The following AHCTF1 variants were observed in gnomAD, a reference collection of about 807,000 sequenced individuals.
AHCTF1 encodes the protein AT-hook containing transcription factor 1, also known as protein ELYS.
AHCTF1 carries 24 observed loss-of-function variants against 248.4 expected under a neutral mutation model. The ratio of observed to expected loss-of-function variants is 0.10; its 90% CI spans 0.07 to 0.14. AHCTF1 has a LOEUF of 0.14. Among genes scored for constraint, AHCTF1 ranks in the 10% least tolerant of loss-of-function variants. The probability of loss-of-function intolerance (pLI) is 1.00; values close to 1 mark genes in which losing one functional copy is unlikely to be tolerated. For missense variants in AHCTF1, 2,206 were observed against 2,636.2 expected (o/e 0.84, Z 3.57); for synonymous variants, 786 against 929.8 (o/e 0.85, Z 2.81).
chr1:246,862,195 T>G (rs771517848), intron 27 of AHCTF1, 42 bp from the exon 28 acceptor site: 10 of 1,522,930 alleles, frequency 6.6e-6, no homozygotes, highest in Non-Finnish European at 8.9e-6. Flanking sequence ...TAAAAGTGCT[T>G]ATAGGCCGGG....
At chr1:246,923,619 G>C (rs1193282313) in intron 1 of AHCTF1, among the ~76,000 whole-genome samples, 2 of 152,114 alleles carry the variant, frequency 1.3e-5, no homozygotes, top group Non-Finnish European at 2.9e-5. Flanking sequence ...AACATTTCTG[G>C]TATAATGTGC....
At chr1:246,908,723 TA>T (rs35110822) in intron 4 of AHCTF1, among the ~76,000 whole-genome samples, 27,805 of 106,848 alleles carry the variant, frequency 0.26, 2,965 homozygotes, top group Admixed American at 0.3. Flanking sequence ...CAGTCTCTAC[TA>T]AAAAAAAAAA....
intron 11 of AHCTF1, 146 bp downstream of exon 11, chr1:246,899,305 T>C (rs1020610940): frequency 1.4e-5 from 8 of 566,162 alleles, no homozygotes; most frequent in Admixed American, 7.7e-5. Context: ...CTGATACTAC[T>C]AGTTGATAAT....
At chr1:246,913,097 CTT>C (rs77666704) in intron 4 of AHCTF1, 133 bp downstream of exon 4, 537 of 597,834 alleles carry the variant, frequency 9.0e-4, no homozygotes, top group Middle Eastern at 1.5e-3. Flanking sequence ...TTTAAAATAC[CTT>C]TTTTTTTTTT....
intron 16 of AHCTF1, among the ~76,000 whole-genome samples, chr1:246,890,413 C>A (rs1475689986): frequency 6.6e-6 from 1 of 152,092 alleles, no homozygotes; most frequent in Admixed American, 6.6e-5. Flanking sequence ...TGTACAGTGG[C>A]AGAGGCACTT....
At position 246,844,805 on chromosome 1, in the gene AHCTF1, C is replaced by CTT. The variant is rs11370838; in HGVS notation, c.6392-879_6392-878dup. 5.5e-3 allele frequency among the ~76,000 whole-genome samples: 783 copies of CTT among 141,938 alleles called. 5 individuals carry two copies. The highest frequency in any genetic ancestry group is 7.8e-3 in the Non-Finnish European group (507 of 64,810). 93.1% of individuals were successfully genotyped at this position (141,938 alleles called of 152,430 possible). On this transcript the variant is annotated intron_variant, in intron 33 of 35. Transcript: ENST00000648844. ...GAATTAAAAGCATTTACCACACAGACTTTTTTTTTTTTTTTTAACTATAGG... is the reference window on the plus strand; with the variant it reads ...GAATTAAAAGCATTTACCACACAGACTTTTTTTTTTTTTTTTTTAACTATAGG...
intron 33 of AHCTF1, among the ~76,000 whole-genome samples, chr1:246,846,706 C>T (rs184265555): frequency 4.6e-5 from 7 of 151,096 alleles, no homozygotes; most frequent in Admixed American, 6.6e-5. Flanking sequence ...AGAAATATTA[C>T]GTTTAAGATT....
intron 7 of AHCTF1, among the ~76,000 whole-genome samples, chr1:246,903,532 A>G (rs1478854528): frequency 1.3e-5 from 2 of 152,108 alleles, no homozygotes; most frequent in Non-Finnish European, 2.9e-5. Flanking sequence ...ACTTCAATAT[A>G]AGAATCGCTT....
intron 1 of AHCTF1, among the ~76,000 whole-genome samples, chr1:246,923,740 CGT>C (rs74456165): frequency 2.8e-4 from 42 of 151,364 alleles, no homozygotes; most frequent in Non-Finnish European, 4.1e-4. Flanking sequence ...TGCGTGCATG[CGT>C]GTGTGTGTGT....
At chr1:246,927,735 T>C (rs1572482838) in intron 1 of AHCTF1, among the ~76,000 whole-genome samples, 2 of 152,236 alleles carry the variant, frequency 1.3e-5, no homozygotes, top group African/African-American at 2.4e-5. Flanking sequence ...CCGGGCGCGG[T>C]AGCTCAAGCC....
chr1:246,921,030 T>C (rs1047662046), intron 1 of AHCTF1, among the ~76,000 whole-genome samples: 34 of 152,066 alleles, frequency 2.2e-4, no homozygotes, highest in Non-Finnish European at 4.6e-4. Flanking sequence ...AGAAGGAGGT[T>C]GCAGTGAACC....
At chr1:246,865,109 C>G (rs571395363) in intron 26 of AHCTF1, 1 of 152,230 alleles carries the variant, frequency 6.6e-6, no homozygotes, top group South Asian at 2.1e-4. Flanking sequence ...ACTCAAAAGT[C>G]GGGTTTTCAG....
intron 24 of AHCTF1, among the ~76,000 whole-genome samples, chr1:246,873,944 C>T (rs926612001): frequency 1.3e-5 from 2 of 152,180 alleles, no homozygotes; most frequent in African/African-American, 4.8e-5. Flanking sequence ...GGATATTCGT[C>T]CAACACAGAC....
At chr1:246,908,323 C>CA (rs34997839) in intron 4 of AHCTF1, among the ~76,000 whole-genome samples, 56,169 of 101,350 alleles carry the variant, frequency 0.55, 13,272 homozygotes, top group Admixed American at 0.62. Flanking sequence ...CACAGGGATA[C>CA]AAAAAAAAAA....
At chr1:246,926,321 TTAA>T (rs1430687679) in intron 1 of AHCTF1, among the ~76,000 whole-genome samples, 3 of 152,232 alleles carry the variant, frequency 2.0e-5, no homozygotes, top group African/African-American at 7.2e-5. Flanking sequence ...GTTCTAGCAC[TTAA>T]TAATACATGT....
chr1:246,920,725 G>A lies in AHCTF1; in HGVS notation c.-7-2348C>T, dbSNP rs1391360758. 4.1e-5 allele frequency among the ~76,000 whole-genome samples: 6 copies of A among 146,958 alleles called. No individual in the cohort carries two copies. In the South Asian group the frequency reaches 1.1e-3, roughly 27 times the overall value. Reference sequence around the variant, plus strand: ...GCGGAGCTTGCAGTGAGCCGAGATCGCACCACTGCACTCCAGCCTGGGTGA... The same window carrying A: ...GCGGAGCTTGCAGTGAGCCGAGATCACACCACTGCACTCCAGCCTGGGTGA... On this transcript the variant is annotated intron_variant, in intron 1 of 35. Coordinates refer to ENST00000648844, the MANE Select transcript of AHCTF1 (RefSeq NM_001323342.2).
At position 246,839,814 on chromosome 1, in the gene AHCTF1, A is replaced by C. The variant is rs1659723026; in HGVS notation, c.*992T>G. ...GAGCCTACATCAAGTACCATTGCTT[A>C]ATTGCACACAGTTGTACTGTAGAGA... On this transcript the variant is annotated 3_prime_UTR_variant, in exon 36 of 36. Transcript: ENST00000648844. The C allele has an allele frequency of 6.5e-6, 1 of 152,814 alleles. No individual in the cohort carries two copies. Among genetic ancestry groups the C allele is most frequent in the African/African-American group, 2.4e-5 (1 of 41,432 alleles). The allele number at this position is 152,814 out of a possible 1,614,324, so 9.5% of individuals were successfully genotyped here. A position where few individuals can be genotyped will look rare whatever the true frequency, so the allele number is the denominator to read the frequency against.
intron 8 of AHCTF1, among the ~76,000 whole-genome samples, chr1:246,901,808 T>A (rs1665020970): frequency 6.6e-6 from 1 of 152,014 alleles, no homozygotes; most frequent in Admixed American, 6.6e-5. Context: ...GGCCTGGGCA[T>A]CAGAGTGAGA....
intron 28 of AHCTF1, 71 bp downstream of exon 28, chr1:246,861,884 TCTAA>T: frequency 3.2e-6 from 4 of 1,246,506 alleles, no homozygotes; most frequent in Non-Finnish European, 4.5e-6. Flanking sequence ...ACTTGATTTA[TCTAA>T]CTTTTTACTT....
Sources: gnomAD v4.1 joint callset for allele counts (sites outside exome capture counted in the v4.1 genomes callset) on GRCh38, gnomAD v4.1.1 for gene constraint, MANE v1.5 for transcripts, NCBI Gene and HGNC (gene_info 2026-07-23, HGNC 2026-07-21) for gene names.